Variants in PCDH15 observed in about 807,000 individuals in gnomAD.
The protein encoded by PCDH15 is protocadherin-15.
A neutral mutation model predicts 178.5 loss-of-function variants in PCDH15; 129 were observed. The ratio of observed to expected loss-of-function variants is 0.72; its 90% CI spans 0.63 to 0.84. PCDH15 has a LOEUF of 0.84. Ranked by LOEUF, PCDH15 falls within the 40% of genes least tolerant of loss-of-function variation. The pLI is 0.00. For missense variants in PCDH15, 2,230 were observed against 2,099.9 expected, an observed-to-expected ratio of 1.06 and a Z score of -1.21; for synonymous variants, 800 against 732.0, an observed-to-expected ratio of 1.09 and a Z score of -1.50.
intron 9 of PCDH15, among the ~76,000 whole-genome samples, chr10:54,218,375 T>A (rs922189161): frequency 1.3e-5 from 2 of 152,200 alleles, no homozygotes; most frequent in Admixed American, 6.5e-5. Context: ...CCCCTCACCA[T>A]TAACAATTTT....
At chr10:54,138,448 G>A (rs1223327645) in intron 14 of PCDH15, among the ~76,000 whole-genome samples, 7 of 152,128 alleles carry the variant, frequency 4.6e-5, no homozygotes, top group South Asian at 4.1e-4. Flanking sequence ...TTGTGTTGGC[G>A]ATTGTGTGTG....
At chr10:54,518,851 A>T (rs1268619433) in intron 3 of PCDH15, among the ~76,000 whole-genome samples, 1 of 152,178 alleles carries the variant, frequency 6.6e-6, no homozygotes, top group Non-Finnish European at 1.5e-5. Context: ...CACATCAAAA[A>T]GCTTATGCAC....
chr10:54,823,461 G>A (rs897091424), intron 3 of PCDH15, among the ~76,000 whole-genome samples: 9 of 152,074 alleles, frequency 5.9e-5, no homozygotes, highest in Non-Finnish European at 1.3e-4. Flanking sequence ...ACACTGTTCT[G>A]AGCAATTCAT....
intron 2 of PCDH15, among the ~76,000 whole-genome samples, chr10:55,114,134 G>T (rs539954457): frequency 6.6e-6 from 1 of 151,942 alleles, no homozygotes; most frequent in African/African-American, 2.4e-5. Context: ...TGTATTTTTG[G>T]TAGAGACGGG....
intron 2 of PCDH15, among the ~76,000 whole-genome samples, chr10:54,558,244 T>C (rs2087571521): frequency 6.6e-6 from 1 of 152,266 alleles, no homozygotes. Context: ...ACAAAACTTT[T>C]TATTGTTTGC....
chr10:55,611,944 CACTT>C (rs1427278065), intron 2 of PCDH15, among the ~76,000 whole-genome samples: 1 of 151,942 alleles, frequency 6.6e-6, no homozygotes, highest in Non-Finnish European at 1.5e-5. Flanking sequence ...ATCATGATCT[CACTT>C]ACACGTGAAA....
At chr10:54,745,699 G>C (rs565169075) in intron 1 of PCDH15, among the ~76,000 whole-genome samples, 1 of 152,160 alleles carries the variant, frequency 6.6e-6, no homozygotes, top group East Asian at 1.9e-4. Context: ...GAATGGGGGA[G>C]GGTAAAACTC....
chr10:54,064,314 T>TG (rs2094094455), intron 18 of PCDH15, among the ~76,000 whole-genome samples: 1 of 152,194 alleles, frequency 6.6e-6, no homozygotes, highest in South Asian at 2.1e-4. Flanking sequence ...AGGGTTTTTT[T>TG]GGGCTCAGAA....
At chr10:55,302,389 A>G (rs1843309103) in intron 1 of PCDH15, among the ~76,000 whole-genome samples, 1 of 152,184 alleles carries the variant, frequency 6.6e-6, no homozygotes, top group South Asian at 2.1e-4. Flanking sequence ...ACATAAATAT[A>G]ATGGAGAGAG....
chr10:54,076,571 C>CA (rs952240380), intron 17 of PCDH15, among the ~76,000 whole-genome samples: 10 of 149,160 alleles, frequency 6.7e-5, no homozygotes, highest in Middle Eastern at 3.2e-3. Flanking sequence ...TCTGAATCTT[C>CA]AAAAAAAAAT....
intron 2 of PCDH15, among the ~76,000 whole-genome samples, chr10:54,550,241 T>C (rs1314291937): frequency 6.6e-6 from 1 of 152,154 alleles, no homozygotes; most frequent in African/African-American, 2.4e-5. Context: ...AGTAGTTTTC[T>C]GAAATTCCAG....
chr10:54,638,001 A>G (rs2093901913), intron 2 of PCDH15, among the ~76,000 whole-genome samples: 1 of 152,000 alleles, frequency 6.6e-6, no homozygotes, highest in African/African-American at 2.4e-5. Context: ...ATTCCTTTAG[A>G]TTAATTCCTT....
chr10:53,894,367 C>T (rs962170337), intron 26 of PCDH15, among the ~76,000 whole-genome samples: 2 of 152,098 alleles, frequency 1.3e-5, no homozygotes, highest in Non-Finnish European at 2.9e-5. Context: ...GGAAACCAGA[C>T]GAGATCGGGC....
chr10:54,615,922 G>A (rs2093129560), intron 2 of PCDH15, among the ~76,000 whole-genome samples: 1 of 152,056 alleles, frequency 6.6e-6, no homozygotes, highest in East Asian at 1.9e-4. Context: ...AATGTCAGTG[G>A]CATCACAGGG....
At chr10:53,815,991 A>T (rs1378560778) in intron 35 of PCDH15, among the ~76,000 whole-genome samples, 2 of 152,172 alleles carry the variant, frequency 1.3e-5, no homozygotes, top group Non-Finnish European at 2.9e-5. Flanking sequence ...GCCCGTATTT[A>T]TTAGGAATAA....
chr10:54,344,169 C>T (rs1942802794), intron 6 of PCDH15, among the ~76,000 whole-genome samples: 1 of 152,110 alleles, frequency 6.6e-6, no homozygotes, highest in Non-Finnish European at 1.5e-5. Flanking sequence ...TTTTTTCCTT[C>T]AATACATCCT....
intron 1 of PCDH15, among the ~76,000 whole-genome samples, chr10:54,764,305 T>C (rs1948247589): frequency 6.6e-6 from 1 of 152,058 alleles, no homozygotes; most frequent in Non-Finnish European, 1.5e-5. Context: ...TGTGAGTATA[T>C]TAAATTCACT....
intron 13 of PCDH15, among the ~76,000 whole-genome samples, chr10:54,167,723 C>G (rs1001263277): frequency 2.0e-5 from 3 of 152,070 alleles, no homozygotes; most frequent in Non-Finnish European, 4.4e-5. Flanking sequence ...GCAAGAACCC[C>G]CAATCTCTTA....
chr10:54,907,778 C>T (rs1954750203), intron 2 of PCDH15, among the ~76,000 whole-genome samples: 1 of 152,176 alleles, frequency 6.6e-6, no homozygotes, highest in Non-Finnish European at 1.5e-5. Flanking sequence ...ATTTTCTGTA[C>T]TGCAACCCTT....
Sources: gnomAD v4.1 joint callset for allele counts (sites outside exome capture counted in the v4.1 genomes callset) on GRCh38, gnomAD v4.1.1 for gene constraint, MANE v1.5 for transcripts, NCBI Gene and HGNC (gene_info 2026-07-23, HGNC 2026-07-21) for gene names.